The following NFKBIL1 variants were observed in gnomAD, a reference collection of about 807,000 sequenced individuals.
The protein encoded by NFKBIL1 is NFKB inhibitor like 1.
Under a neutral mutation model 45.4 loss-of-function variants are expected in NFKBIL1, and 30 were observed. That is an observed-to-expected ratio of 0.66 (90% CI 0.49 to 0.90). The LOEUF (loss-of-function observed/expected upper bound fraction) is 0.90, where lower values mean the gene tolerates loss of function less well. Ranked by LOEUF, NFKBIL1 falls within the 40% of genes least tolerant of loss-of-function variation. The pLI, the probability that NFKBIL1 is intolerant of heterozygous loss-of-function variation, is 0.00. For missense variants in NFKBIL1, 434 were observed against 513.4 expected (o/e 0.85, Z 1.49); for synonymous variants, 179 against 197.3 (o/e 0.91, Z 0.78).
At position 31,557,441 on chromosome 6, in the gene NFKBIL1, T is replaced by A. The variant is rs1769805832; in HGVS notation, c.335-187T>A. ...TTTAAACTACCACACTTACCATGCA[T>A]GTGGTAAACTATCAGTCTGTATTTA... On this transcript the variant is annotated intron_variant, in intron 2 of 3. Transcript: ENST00000376148. The surrounding 1 kb of genome is among the most constrained non-coding windows in gnomAD (Gnocchi z 5.4). Among the ~76,000 whole-genome samples the A allele has an allele frequency of 6.6e-6, 1 of 152,190 alleles. No individual in the cohort carries two copies. Among genetic ancestry groups the A allele is most frequent in the African/African-American group, 2.4e-5 (1 of 41,450 alleles).
intron 2 of NFKBIL1, among the ~76,000 whole-genome samples, chr6:31,554,661 A>G (rs948574083): frequency 5.3e-5 from 8 of 152,242 alleles, no homozygotes; most frequent in South Asian, 2.1e-4. Flanking sequence ...ATGATATTCA[A>G]TTTTGGTAAA....
Position 31,547,739 on chromosome 6 carries a change from A to T in NFKBIL1, c.45A>T (p.Thr15=), listed in dbSNP as rs1230727102. ...AGGTTCCAGAGGAAGAAGCCTCCACATCTGTCTGCCGGGTACATGATATTC... is the reference window on the plus strand; with the variant it reads ...AGGTTCCAGAGGAAGAAGCCTCCACTTCTGTCTGCCGGGTACATGATATTC... The part of the protein sequence containing the change: ...SPQVPEEEAS[T]SVCRPKSSMA... The change falls in exon 1 of 4, where the codon ACA becomes ACT. Residue 15 remains threonine, a synonymous_variant. Coordinates refer to ENST00000376148, the MANE Select transcript of NFKBIL1 (RefSeq NM_005007.4). 9 of 1,611,446 alleles carry T rather than the reference A, an allele frequency of 5.6e-6. No individual in the cohort carries two copies. The highest frequency in any genetic ancestry group is 7.6e-6 in the Non-Finnish European group (9 of 1,178,884).
In NFKBIL1 at chr6:31,558,422, C is replaced by T. The variant is rs751263788; in HGVS notation, c.957C>T (p.Ala319=). Residue 319 remains alanine (A), a synonymous_variant, in exon 4 of 4, where the codon GCC becomes GCT. Coordinates refer to ENST00000376148, the MANE Select transcript of NFKBIL1 (RefSeq NM_005007.4). The surrounding 1 kb of genome is among the most constrained non-coding windows in gnomAD (Gnocchi z 7.2). ...AGGCCATGGCTGCAGCCCTGGTGGC[C>T]AGGGGCCCCCCTTTGGAGGAACAGG... ...DPEAMAAALV[A]RGPPLEEQGA... 10 of 1,550,984 alleles carry T rather than the reference C, an allele frequency of 6.4e-6. No homozygotes were observed. Among genetic ancestry groups the T allele is most frequent in the Non-Finnish European group, 8.7e-6 (10 of 1,147,112 alleles).
chr6:31,555,899 T>TCC (rs35902906), intron 2 of NFKBIL1, among the ~76,000 whole-genome samples: 14 of 145,960 alleles, frequency 9.6e-5, no homozygotes, highest in African/African-American at 3.0e-4. Context: ...TGATCCATTG[T>TCC]CCCCCCCCCC....
At chr6:31,551,218 GT>G (rs1769413187) in intron 2 of NFKBIL1, among the ~76,000 whole-genome samples, 1 of 151,758 alleles carries the variant, frequency 6.6e-6, no homozygotes, top group South Asian at 2.1e-4. Flanking sequence ...GGTAGAGACT[GT>G]TTTGCTATGT....
At chr6:31,553,273 AG>A (rs1769540904) in intron 2 of NFKBIL1, among the ~76,000 whole-genome samples, 1 of 151,836 alleles carries the variant, frequency 6.6e-6, no homozygotes, top group Non-Finnish European at 1.5e-5. Flanking sequence ...TCCTGACCTG[AG>A]GTGATCCACC....
At chr6:31,548,854 AAAT>A in intron 2 of NFKBIL1, among the ~76,000 whole-genome samples, 1 of 152,366 alleles carries the variant, frequency 6.6e-6, no homozygotes, top group South Asian at 2.1e-4. Flanking sequence ...GTAAAAATTA[AAAT>A]AATAACAACC....
chr6:31,558,215 C>T lies in NFKBIL1; in HGVS notation c.750C>T (p.Ala250=), dbSNP rs775665701. The part of the protein sequence containing the change: ...EEEQRLFRER[A]RAKEEELRES... ...AGCAGCGGCTCTTCAGGGAGCGAGC[C>T]CGGGCCAAGGAGGAAGAGCTGCGTG... The change falls in exon 4 of 4, where the codon GCC becomes GCT. Residue 250 remains alanine, a synonymous_variant. Transcript: ENST00000376148. This position sits in a 1 kb window ranked among gnomAD's most constrained non-coding sequence, Gnocchi z 7.2. 2.5e-6 allele frequency: 4 copies of T among 1,599,372 alleles called. No homozygotes were observed. The South Asian group carries it at 4.5e-5, about 18-fold the overall frequency.
intron 2 of NFKBIL1, among the ~76,000 whole-genome samples, chr6:31,555,763 A>AT (rs1308019043): frequency 1.4e-5 from 2 of 147,846 alleles, no homozygotes; most frequent in South Asian, 2.1e-4. Flanking sequence ...TACAGGCGTC[A>AT]GCCACCACGC....
rs562505845 is a variant in NFKBIL1, at chr6:31,557,551, A to G, written c.335-77A>G. On this transcript the variant is annotated intron_variant, in intron 2 of 3. Transcript: ENST00000376148. The surrounding 1 kb of genome is among the most constrained non-coding windows in gnomAD (Gnocchi z 5.4). Reference sequence around the variant, plus strand: ...TTTAAGACCAAGGGAGCGAGTGACCAGCAGGATTCAAGATGGCAGCTCTGC... The same window carrying G: ...TTTAAGACCAAGGGAGCGAGTGACCGGCAGGATTCAAGATGGCAGCTCTGC... 8.2e-7 allele frequency: 1 copy of G among 1,216,294 alleles called. No homozygotes were observed. Among genetic ancestry groups the G allele is most frequent in the Admixed American group, 2.5e-5 (1 of 39,586 alleles). The allele number at this position is 1,216,294 out of a possible 1,614,324, so 75.3% of individuals were successfully genotyped here. A position where few individuals can be genotyped will look rare whatever the true frequency, so the allele number is the denominator to read the frequency against.
chr6:31,547,472 A>G, upstream of NFKBIL1: 1 of 408,980 alleles, frequency 2.4e-6, no homozygotes, highest in Non-Finnish European at 4.3e-6. Context: ...TAAGTTCCCT[A>G]GTTTCCCCTG....
Position 31,547,681 on chromosome 6 carries a change from CG to C in NFKBIL1, c.-9del. 2 of 1,585,718 alleles carry C rather than the reference CG, an allele frequency of 1.3e-6. No individual in the cohort carries two copies. The highest frequency in any genetic ancestry group is 1.3e-5 in the African/African-American group (1 of 74,246). ...ACGGCTCTGGGGGTACTTGGGGGGGCGGGGGCAGGTCTGATGAGTAACCCCT... is the reference window on the plus strand; with the variant it reads ...ACGGCTCTGGGGGTACTTGGGGGGGCGGGGCAGGTCTGATGAGTAACCCCT... On this transcript the variant is annotated 5_prime_UTR_variant, in exon 1 of 4. Coordinates refer to ENST00000376148, the MANE Select transcript of NFKBIL1 (RefSeq NM_005007.4).
rs1373661719 is a variant in NFKBIL1 at position 31,557,253 on chromosome 6, G to C, written c.335-375G>C. 1.3e-5 allele frequency among the ~76,000 whole-genome samples: 2 copies of C among 151,380 alleles called. No homozygotes were observed. The highest frequency in any genetic ancestry group is 3.9e-4 in the East Asian group (2 of 5,178). ...CTGCCGAGTAGCTGGGACTGCAGGC[G>C]CCCGCCACCAGGCCTGGCTAATTTT... On this transcript the variant is annotated intron_variant, in intron 2 of 3. Transcript: ENST00000376148. The surrounding 1 kb of genome is among the most constrained non-coding windows in gnomAD (Gnocchi z 5.4).
rs1311245520 is a variant in NFKBIL1, at chr6:31,558,592, A to T, written c.1127A>T (p.His376Leu). The T allele has an allele frequency of 7.1e-6, 11 of 1,554,984 alleles. No individual in the cohort carries two copies. The East Asian group carries it at 2.1e-4, about 30-fold the overall frequency. The change falls in exon 4 of 4, where the codon CAT (histidine) becomes CTT (leucine). Residue 376 changes from histidine (H) to leucine (L), a missense_variant. This residue lies in a region of NFKBIL1 where 52 missense variants were observed against 95.9 expected (regional missense o/e 0.54). Transcript: ENST00000376148. The surrounding 1 kb of genome is among the most constrained non-coding windows in gnomAD (Gnocchi z 7.2). ...VTALSQALNRHAEALK is the reference protein window; with the variant it reads ...VTALSQALNRLAEALK ...GCCCTTTCTCAGGCCCTGAATCGCC[A>T]TGCAGAGGCCCTCAAGTGACCCTAG...
chr6:31,548,046 C>A, intron 1 of NFKBIL1, 117 bp from the exon 2 acceptor site: 1 of 1,376,802 alleles, frequency 7.3e-7, no homozygotes, highest in Non-Finnish European at 1.0e-6. Flanking sequence ...TCATCTCTTG[C>A]TGAAGATATT....
intron 2 of NFKBIL1, among the ~76,000 whole-genome samples, chr6:31,551,504 C>A (rs1769426453): frequency 6.6e-6 from 1 of 152,212 alleles, no homozygotes; most frequent in Non-Finnish European, 1.5e-5. Flanking sequence ...TCCTCTCTGG[C>A]CTTATTTACT....
chr6:31,547,536 C>T (rs1467008075), upstream of NFKBIL1: 10 of 488,732 alleles, frequency 2.0e-5, no homozygotes, highest in Non-Finnish European at 1.1e-5. Context: ...CGGTAACGCC[C>T]CTCACAGTTC....
chr6:31,558,285 C>T lies in NFKBIL1; in HGVS notation c.820C>T (p.Pro274Ser), dbSNP rs1488167158. 9.5e-6 allele frequency: 15 copies of T among 1,584,278 alleles called. No homozygotes were observed. Among genetic ancestry groups the T allele is most frequent in the Non-Finnish European group, 1.3e-5 (15 of 1,165,346 alleles). The change falls in exon 4 of 4, where the codon CCC (proline) becomes TCC (serine). Residue 274 changes from proline to serine, a missense_variant. Pro to Ser is a moderately conservative substitution (Grantham distance 74, BLOSUM62 -1). Around this residue, in one of 4 missense-constraint regions of NFKBIL1, gnomAD observed 128 missense variants for 106.5 expected, o/e 1.20. Transcript: ENST00000376148. This position sits in a 1 kb window ranked among gnomAD's most constrained non-coding sequence, Gnocchi z 7.2. ...RAQEALGDREPKPTRAGPREE... is the reference protein window; with the variant it reads ...RAQEALGDRESKPTRAGPREE... ...GCAGGAGGCTCTAGGGGACCGAGAA[C>T]CCAAGCCAACCAGGGCCGGGCCCAG...
rs201206958 is a variant in NFKBIL1, at chr6:31,558,304, G to T, written c.839G>T (p.Gly280Val). 7.0e-6 allele frequency: 11 copies of T among 1,580,402 alleles called. No individual in the cohort carries two copies. The highest frequency in any genetic ancestry group is 8.6e-6 in the Non-Finnish European group (10 of 1,162,802). The change falls in exon 4 of 4, where the codon GGG becomes GTG. Residue 280 changes from glycine (G) to valine (V), a missense_variant. Transcript: ENST00000376148. The surrounding 1 kb of genome is among the most constrained non-coding windows in gnomAD (Gnocchi z 7.2). ...CGAGAACCCAAGCCAACCAGGGCCG[G>T]GCCCAGGGAAGAGCACCCCAGAGGA... ...GDREPKPTRAGPREEHPRGAG... is the reference protein window; with the variant it reads ...GDREPKPTRAVPREEHPRGAG...
Sources: gnomAD v4.1 joint callset for allele counts (sites outside exome capture counted in the v4.1 genomes callset) on GRCh38, gnomAD v4.1.1 for gene constraint, gnomAD v4.1.1 regional missense constraint, Gnocchi (gnomAD v3.1) non-coding constraint, MANE v1.5 for transcripts, NCBI Gene and HGNC (gene_info 2026-07-23, HGNC 2026-07-21) for gene names.